The following MARCHF1 variants were observed in gnomAD, a reference collection of about 807,000 sequenced individuals.
The protein encoded by MARCHF1 is membrane associated ring-CH-type finger 1.
In MARCHF1, 40 loss-of-function variants were observed where a neutral mutation model predicts 54.2. The ratio of observed to expected loss-of-function variants is 0.74; its 90% CI spans 0.57 to 0.96. The LOEUF (loss-of-function observed/expected upper bound fraction) is 0.96, where lower values mean the gene tolerates loss of function less well. Ranked by LOEUF, MARCHF1 falls within the 40% of genes least tolerant of loss-of-function variation. The pLI, the probability that MARCHF1 is intolerant of heterozygous loss-of-function variation, is 0.00. For missense variants in MARCHF1, 586 were observed against 656.5 expected (o/e 0.89, Z 1.17); for synonymous variants, 236 against 236.3 (o/e 1.00, Z 0.01).
At chr4:164,201,363 G>T (rs1473546438) in intron 1 of MARCHF1, among the ~76,000 whole-genome samples, 1 of 152,078 alleles carries the variant, frequency 6.6e-6, no homozygotes, top group Non-Finnish European at 1.5e-5. Flanking sequence ...GGGACTACAG[G>T]CACGTGCCAC....
intron 7 of MARCHF1, among the ~76,000 whole-genome samples, chr4:163,610,934 G>C (rs1398107739): frequency 2.0e-5 from 3 of 152,122 alleles, no homozygotes; most frequent in Middle Eastern, 3.4e-3. Context: ...CCTCTGCCTA[G>C]ATGGTCTTCC....
intron 1 of MARCHF1, among the ~76,000 whole-genome samples, chr4:164,322,599 A>G (rs1022845002): frequency 1.3e-5 from 2 of 152,044 alleles, no homozygotes; most frequent in Non-Finnish European, 2.9e-5. Flanking sequence ...TCAAAGGATA[A>G]ATGCTTGAAG....
At chr4:163,744,386 C>T (rs1746296919) in intron 4 of MARCHF1, among the ~76,000 whole-genome samples, 1 of 152,124 alleles carries the variant, frequency 6.6e-6, no homozygotes, top group Non-Finnish European at 1.5e-5. Context: ...TGCAATGGAC[C>T]TCTTATATAG....
intron 9 of MARCHF1, chr4:163,530,766 A>G (rs548419002): frequency 1.8e-4 from 28 of 152,088 alleles, no homozygotes; most frequent in Non-Finnish European, 2.8e-4. Flanking sequence ...CCGGTAGCAA[A>G]GGTAAATTTT....
At chr4:163,945,554 C>A (rs1217951968) in intron 3 of MARCHF1, among the ~76,000 whole-genome samples, 2 of 152,036 alleles carry the variant, frequency 1.3e-5, no homozygotes, top group Non-Finnish European at 2.9e-5. Context: ...GAACTCAGTT[C>A]CAGCAATGCA....
chr4:163,950,086 TC>T (rs1752104151), intron 3 of MARCHF1, among the ~76,000 whole-genome samples: 1 of 152,150 alleles, frequency 6.6e-6, no homozygotes, highest in Non-Finnish European at 1.5e-5. Context: ...AGCCTGGCCC[TC>T]AGGGCACAGG....
Position 164,289,753 on chromosome 4 carries a change from CTT to C in MARCHF1, c.-323+94115_-323+94116del, listed in dbSNP as rs201548477. Among the ~76,000 whole-genome samples the C allele has an allele frequency of 6.5e-3, 981 of 152,010 alleles. 8 individuals are homozygous for C. Among genetic ancestry groups the C allele is most frequent in the African/African-American group, 0.022 (909 of 41,506 alleles). On this transcript the variant is annotated intron_variant, in intron 1 of 9. Transcript: ENST00000514618. ...TTACCATCCCACCTTCAATCAATGA[CTT>C]TTAAAAAATCTGATCATACCATACA... is the stretch of plus-strand genomic sequence containing the variant.
intron 1 of MARCHF1, among the ~76,000 whole-genome samples, chr4:164,254,345 A>ATT (rs1733209009): frequency 6.7e-6 from 1 of 149,324 alleles, no homozygotes; most frequent in Non-Finnish European, 1.5e-5. Flanking sequence ...TATAGAGGAT[A>ATT]TTATATATAT....
chr4:163,729,158 G>T (rs931722556), intron 4 of MARCHF1, among the ~76,000 whole-genome samples: 8 of 151,922 alleles, frequency 5.3e-5, no homozygotes, highest in African/African-American at 1.5e-4. Context: ...ATACATTATT[G>T]GATTCAATCT....
intron 1 of MARCHF1, among the ~76,000 whole-genome samples, chr4:164,272,320 C>T (rs35636431): frequency 0.046 from 6,935 of 151,834 alleles, 207 homozygotes; most frequent in East Asian, 0.11. Context: ...AAATACAAAA[C>T]GATTACAACA....
chr4:164,207,207 T>C (rs1025875775), intron 1 of MARCHF1, among the ~76,000 whole-genome samples: 9 of 152,224 alleles, frequency 5.9e-5, no homozygotes, highest in Non-Finnish European at 1.0e-4. Flanking sequence ...TTACAATGCA[T>C]AAAAACATTA....
intron 3 of MARCHF1, among the ~76,000 whole-genome samples, chr4:163,883,382 A>T (rs1215441992): frequency 6.6e-6 from 1 of 151,236 alleles, no homozygotes; most frequent in East Asian, 1.9e-4. Flanking sequence ...ATATGAAGAA[A>T]CAAGGGCTCA....
At chr4:164,023,960 C>G (rs1210704594) in intron 2 of MARCHF1, among the ~76,000 whole-genome samples, 2 of 151,944 alleles carry the variant, frequency 1.3e-5, no homozygotes, top group African/African-American at 4.8e-5. Flanking sequence ...GTATTATTAG[C>G]AGAATAAACC....
chr4:164,277,275 C>T (rs971149393), intron 1 of MARCHF1, among the ~76,000 whole-genome samples: 8 of 152,272 alleles, frequency 5.3e-5, no homozygotes, highest in Non-Finnish European at 1.2e-4. Context: ...ACAGCAATAT[C>T]TGACAAACAG....
At chr4:164,180,215 T>C (rs116094356) in intron 1 of MARCHF1, among the ~76,000 whole-genome samples, 1,877 of 152,134 alleles carry the variant, frequency 0.012, 40 homozygotes, top group East Asian at 0.092. Context: ...GGAATTTATA[T>C]TGAATTATGG....
At chr4:164,189,277 C>T (rs982593997) in intron 1 of MARCHF1, 120 of 591,058 alleles carry the variant, frequency 2.0e-4, no homozygotes, top group Non-Finnish European at 5.6e-5. Context: ...GGCCCTGTCT[C>T]CTCAACATCA....
chr4:164,247,599 A>G (rs1732990546), intron 1 of MARCHF1, among the ~76,000 whole-genome samples: 1 of 76,762 alleles, frequency 1.3e-5, no homozygotes, highest in Non-Finnish European at 2.9e-5. Context: ...CTAAAACTTA[A>G]AGTATAATAA....
intron 2 of MARCHF1, among the ~76,000 whole-genome samples, chr4:164,000,543 G>A (rs1437630986): frequency 6.6e-6 from 1 of 151,606 alleles, no homozygotes; most frequent in African/African-American, 2.4e-5. Flanking sequence ...CAAGCTTTAA[G>A]ATACTTAAAA....
intron 1 of MARCHF1, among the ~76,000 whole-genome samples, chr4:164,203,409 G>C (rs1731510056): frequency 6.6e-6 from 1 of 152,120 alleles, no homozygotes; most frequent in Non-Finnish European, 1.5e-5. Context: ...GGGGTAGCCT[G>C]GCAGCCTGGA....
Sources: allele counts gnomAD v4.1 joint callset (sites outside exome capture counted in the v4.1 genomes callset), GRCh38; gene constraint gnomAD v4.1.1; transcripts MANE v1.5; gene names NCBI Gene and HGNC (gene_info 2026-07-23, HGNC 2026-07-21).